Variants in ATXN1 observed in about 807,000 individuals in gnomAD.
ATXN1 encodes ataxin 1.
Under a neutral mutation model 56.4 loss-of-function variants are expected in ATXN1, and 8 were observed. The observed-to-expected ratio is 0.14, with a 90% CI of 0.08 to 0.26. The LOEUF (loss-of-function observed/expected upper bound fraction) is 0.26, where lower values mean the gene tolerates loss of function less well. Ranked by LOEUF, ATXN1 falls within the 10% of genes least tolerant of loss-of-function variation. The pLI is 1.00. For synonymous variants in ATXN1, 514 were observed against 494.6 expected, an observed-to-expected ratio of 1.04 and a Z score of -0.52; for missense variants, 987 against 1,106.5, an observed-to-expected ratio of 0.89 and a Z score of 1.53.
intron 2 of ATXN1, chr6:16,738,050 T>C (rs1209079321): frequency 6.6e-6 from 1 of 152,194 alleles, no homozygotes; most frequent in Non-Finnish European, 1.5e-5. Context: ...AGACATTCTG[T>C]ATTTAAGTCC....
chr6:16,560,068 G>A (rs890153990), intron 4 of ATXN1, among the ~76,000 whole-genome samples: 1 of 152,110 alleles, frequency 6.6e-6, no homozygotes, highest in African/African-American at 2.4e-5. Flanking sequence ...TGTTGTAGCT[G>A]GAGATATGCC....
At chr6:16,547,759 A>G (rs1225427868) in intron 4 of ATXN1, among the ~76,000 whole-genome samples, 1 of 152,104 alleles carries the variant, frequency 6.6e-6, no homozygotes, top group Non-Finnish European at 1.5e-5. Context: ...GAGGGAGGCT[A>G]TCTCTGAGCC....
At chr6:16,436,043 G>A (rs1013463038) in intron 6 of ATXN1, among the ~76,000 whole-genome samples, 10 of 152,042 alleles carry the variant, frequency 6.6e-5, no homozygotes, top group East Asian at 1.9e-4. Flanking sequence ...GACTACAGGC[G>A]CCTGCCACCA....
chr6:16,680,209 T>C (rs1301592932), intron 2 of ATXN1, among the ~76,000 whole-genome samples: 1 of 152,178 alleles, frequency 6.6e-6, no homozygotes, highest in African/African-American at 2.4e-5. Flanking sequence ...TCTGTACTCT[T>C]GTTTTTTTCT....
intron 2 of ATXN1, among the ~76,000 whole-genome samples, chr6:16,746,113 T>C (rs1581417249): frequency 6.6e-6 from 1 of 152,216 alleles, no homozygotes; most frequent in South Asian, 2.1e-4. Flanking sequence ...ATCACAGATT[T>C]AAGGAATGTG....
rs1275638273 is a variant in ATXN1 at position 16,303,791 on chromosome 6, T to G, written c.*2538A>C. 1 of 152,618 alleles carries G rather than the reference T, an allele frequency of 6.6e-6. No homozygotes were observed. The highest frequency in any genetic ancestry group is 1.5e-5 in the Non-Finnish European group (1 of 68,034). 9.5% of individuals were successfully genotyped at this position (152,618 alleles called of 1,614,324 possible). On this transcript the variant is annotated 3_prime_UTR_variant, in exon 8 of 8. Coordinates refer to ENST00000436367, the MANE Select transcript of ATXN1 (RefSeq NM_001128164.2). This position sits in a 1 kb window ranked among gnomAD's most constrained non-coding sequence, Gnocchi z 4.3. The stretch of plus-strand genomic sequence containing the variant: ...CCACATGAGTTGTAAATAGTGATAT[T>G]AATGAGAACAAAGTCTATGTGGCAG...
chr6:16,464,634 T>C (rs997734699), intron 6 of ATXN1, among the ~76,000 whole-genome samples: 3 of 151,260 alleles, frequency 2.0e-5, no homozygotes, highest in African/African-American at 4.9e-5. Context: ...CAAAAAGACA[T>C]AGAGGAAACT....
At chr6:16,408,515 TA>T (rs34769591) in intron 6 of ATXN1, among the ~76,000 whole-genome samples, 16,452 of 136,704 alleles carry the variant, frequency 0.12, 957 homozygotes, top group Non-Finnish European at 0.15. Flanking sequence ...ATGAGGATGG[TA>T]AAAAAAAAAA....
At chr6:16,387,869 G>T (rs151329818) in intron 6 of ATXN1, among the ~76,000 whole-genome samples, 2,521 of 152,238 alleles carry the variant, frequency 0.017, 37 homozygotes, top group Non-Finnish European at 0.022. Flanking sequence ...CTACATGCCA[G>T]GTAGTGTACA....
intron 7 of ATXN1, among the ~76,000 whole-genome samples, chr6:16,314,100 G>C (rs971656392): frequency 6.6e-6 from 1 of 152,216 alleles, no homozygotes. Flanking sequence ...CGGATAGCTT[G>C]CCAGCCCAAT....
chr6:16,631,378 T>C (rs7745583), intron 3 of ATXN1, among the ~76,000 whole-genome samples: 10,249 of 152,234 alleles, frequency 0.067, 681 homozygotes, highest in African/African-American at 0.17. Context: ...GGACACTGCA[T>C]TGCAAATCTC....
chr6:16,403,529 T>G (rs1387476354), intron 6 of ATXN1, among the ~76,000 whole-genome samples: 1 of 152,188 alleles, frequency 6.6e-6, no homozygotes, highest in Non-Finnish European at 1.5e-5. Flanking sequence ...TTTTGTATTT[T>G]TAGTAGAGAT....
intron 3 of ATXN1, among the ~76,000 whole-genome samples, chr6:16,597,933 TA>T (rs34273547): frequency 0.071 from 10,511 of 147,436 alleles, 522 homozygotes; most frequent in East Asian, 0.14. Flanking sequence ...GTCTAGGATT[TA>T]AAAAAAAAAA....
At chr6:16,481,895 T>C (rs1027577568) in intron 6 of ATXN1, among the ~76,000 whole-genome samples, 2 of 152,068 alleles carry the variant, frequency 1.3e-5, no homozygotes, top group Non-Finnish European at 2.9e-5. Context: ...CAGGGCAGGA[T>C]GCTCACAAAC....
At chr6:16,658,280 G>C (rs1281658338) in intron 2 of ATXN1, among the ~76,000 whole-genome samples, 1 of 152,202 alleles carries the variant, frequency 6.6e-6, no homozygotes, top group Admixed American at 6.5e-5. Flanking sequence ...AGTATCAAGG[G>C]CAGAAAGTGA....
chr6:16,646,042 G>C (rs1581326996), intron 3 of ATXN1, among the ~76,000 whole-genome samples: 1 of 151,900 alleles, frequency 6.6e-6, no homozygotes, highest in East Asian at 1.9e-4. Context: ...AACATAGCAA[G>C]AATCCATCTC....
intron 2 of ATXN1, among the ~76,000 whole-genome samples, chr6:16,714,410 C>T (rs1259059588): frequency 2.6e-5 from 4 of 152,162 alleles, no homozygotes; most frequent in Non-Finnish European, 4.4e-5. Flanking sequence ...ACAAGGATAG[C>T]AAGTCCCCTG....
chr6:16,414,105 C>T (rs1758855402), intron 6 of ATXN1, among the ~76,000 whole-genome samples: 1 of 152,190 alleles, frequency 6.6e-6, no homozygotes, highest in African/African-American at 2.4e-5. Flanking sequence ...TGATTATATA[C>T]TTAGAGGTAT....
chr6:16,516,985 G>A (rs532504817), intron 5 of ATXN1, among the ~76,000 whole-genome samples: 49 of 152,292 alleles, frequency 3.2e-4, no homozygotes, highest in African/African-American at 9.9e-4. Context: ...CATAACTGAT[G>A]ACTTGATATT....
Sources: allele counts gnomAD v4.1 joint callset (sites outside exome capture counted in the v4.1 genomes callset), GRCh38; gene constraint gnomAD v4.1.1; non-coding constraint Gnocchi (gnomAD v3.1); transcripts MANE v1.5; gene names NCBI Gene and HGNC (gene_info 2026-07-23, HGNC 2026-07-21).